Variants in NRG3 observed in about 807,000 individuals in gnomAD.
The protein encoded by NRG3 is pro-neuregulin-3, membrane-bound isoform.
A neutral mutation model predicts 66.9 loss-of-function variants in NRG3; 31 were observed. The ratio of observed to expected loss-of-function variants is 0.46; its 90% CI spans 0.35 to 0.63. The LOEUF is 0.63. Ranked by LOEUF, NRG3 falls within the 20% of genes least tolerant of loss-of-function variation. The pLI is 0.00. For synonymous variants in NRG3, 393 were observed against 359.4 expected, an observed-to-expected ratio of 1.09 and a Z score of -1.06; for missense variants, 910 against 878.9, an observed-to-expected ratio of 1.04 and a Z score of -0.45.
chr10:82,576,650 T>C (rs1173709681), intron 2 of NRG3, among the ~76,000 whole-genome samples: 1 of 151,814 alleles, frequency 6.6e-6, no homozygotes, highest in South Asian at 2.1e-4. Flanking sequence ...AAGAACTTGA[T>C]GTGCTAGACA....
At chr10:82,471,799 G>T (rs747547474) in intron 2 of NRG3, among the ~76,000 whole-genome samples, 4 of 151,528 alleles carry the variant, frequency 2.6e-5, no homozygotes, top group Non-Finnish European at 5.9e-5. Context: ...TGAGGCAGGA[G>T]AATCACTTGA....
At chr10:82,902,873 G>A (rs1316111502) in intron 4 of NRG3, among the ~76,000 whole-genome samples, 3 of 151,860 alleles carry the variant, frequency 2.0e-5, no homozygotes. Flanking sequence ...CCATTTATAT[G>A]CAATTTTTTA....
At chr10:82,188,838 G>C (rs935537046) in intron 1 of NRG3, among the ~76,000 whole-genome samples, 6 of 152,034 alleles carry the variant, frequency 3.9e-5, no homozygotes, top group Non-Finnish European at 8.8e-5. Flanking sequence ...AAAGCAAATA[G>C]ATAGAATGAG....
At chr10:82,203,746 A>C (rs2074969154) in intron 1 of NRG3, among the ~76,000 whole-genome samples, 1 of 152,164 alleles carries the variant, frequency 6.6e-6, no homozygotes. Flanking sequence ...ACATCACATA[A>C]ATCAAAAACA....
intron 1 of NRG3, among the ~76,000 whole-genome samples, chr10:82,140,706 G>A (rs1344877968): frequency 6.6e-6 from 1 of 151,744 alleles, no homozygotes. Flanking sequence ...CTCCAGCCTG[G>A]GCAACGGAAG....
Position 82,002,105 on chromosome 10 carries a change from G to T in NRG3, c.823+125942G>T, listed in dbSNP as rs183495157. ...AGTTTCCTCTCAGTAATCCTTAACAGGACCAAACATCCCTAATTGTATAAA... is the reference window on the plus strand; with the variant it reads ...AGTTTCCTCTCAGTAATCCTTAACATGACCAAACATCCCTAATTGTATAAA... On this transcript the variant is annotated intron_variant, in intron 1 of 8. Transcript: ENST00000372141. Among the ~76,000 whole-genome samples the T allele has an allele frequency of 2.1e-3, 326 of 152,190 alleles. 1 individual carries two copies. The highest frequency in any genetic ancestry group is 6.8e-3 in the Middle Eastern group (2 of 294).
At chr10:82,055,756 A>G (rs1258902080) in intron 1 of NRG3, among the ~76,000 whole-genome samples, 1 of 152,174 alleles carries the variant, frequency 6.6e-6, no homozygotes, top group Admixed American at 6.5e-5. Flanking sequence ...TGCAAGAAAG[A>G]GAAGGGGAGT....
intron 2 of NRG3, among the ~76,000 whole-genome samples, chr10:82,690,998 T>C (rs1364025814): frequency 6.6e-6 from 1 of 152,080 alleles, no homozygotes; most frequent in African/African-American, 2.4e-5. Context: ...TCTCCTCCTC[T>C]TTCTTCTTTC....
intron 1 of NRG3, among the ~76,000 whole-genome samples, chr10:82,205,295 T>C (rs902283260): frequency 6.6e-6 from 1 of 152,224 alleles, no homozygotes; most frequent in Admixed American, 6.5e-5. Context: ...ATTTCAGTTA[T>C]GTGGTTCTTC....
chr10:82,157,016 T>G (rs915563454), intron 1 of NRG3, among the ~76,000 whole-genome samples: 6 of 151,690 alleles, frequency 4.0e-5, no homozygotes, highest in African/African-American at 1.2e-4. Context: ...CAGTCTGTAG[T>G]AATGATGGGG....
At chr10:82,730,578 T>C (rs906279941) in intron 2 of NRG3, among the ~76,000 whole-genome samples, 2 of 152,192 alleles carry the variant, frequency 1.3e-5, no homozygotes, top group African/African-American at 4.8e-5. Flanking sequence ...TTTAGATTCT[T>C]TCAATTATAG....
intron 3 of NRG3, among the ~76,000 whole-genome samples, chr10:82,798,074 C>A (rs895402622): frequency 2.6e-4 from 39 of 151,886 alleles, no homozygotes; most frequent in African/African-American, 9.4e-4. Flanking sequence ...CTTTTGTATA[C>A]CTGAGGCAAT....
chr10:82,875,443 G>A (rs1014086122), intron 4 of NRG3, among the ~76,000 whole-genome samples: 5 of 152,002 alleles, frequency 3.3e-5, no homozygotes, highest in Non-Finnish European at 5.9e-5. Context: ...TTGCAGTCTT[G>A]ACCTCCCAGG....
At chr10:82,284,913 C>G (rs2079329511) in intron 1 of NRG3, among the ~76,000 whole-genome samples, 1 of 152,026 alleles carries the variant, frequency 6.6e-6, no homozygotes, top group African/African-American at 2.4e-5. Flanking sequence ...TTGGCGCTTG[C>G]TAGTAGACAG....
intron 1 of NRG3, among the ~76,000 whole-genome samples, chr10:82,091,123 T>C (rs946950167): frequency 6.6e-6 from 1 of 152,172 alleles, no homozygotes; most frequent in African/African-American, 2.4e-5. Flanking sequence ...TCCATTTCAT[T>C]GTAACCTTTT....
intron 2 of NRG3, among the ~76,000 whole-genome samples, chr10:82,698,940 A>T (rs529504247): frequency 1.1e-4 from 17 of 152,304 alleles, no homozygotes; most frequent in Non-Finnish European, 2.2e-4. Flanking sequence ...ACATTGTTTA[A>T]AAAAGCAAAT....
In NRG3 at chr10:82,494,733, C is replaced by G. The variant is rs1219005287; in HGVS notation, c.953+135865C>G. On this transcript the variant is annotated intron_variant, in intron 2 of 8. Coordinates refer to ENST00000372141, the MANE Select transcript of NRG3 (RefSeq NM_001010848.4). ...AGAATTGAACTAGTTTGCTAAGACCCTTTGTTAATAATCAGTGTGTATGTG... is the reference window on the plus strand; with the variant it reads ...AGAATTGAACTAGTTTGCTAAGACCGTTTGTTAATAATCAGTGTGTATGTG... Among the ~76,000 whole-genome samples the G allele has an allele frequency of 2.6e-5, 4 of 152,010 alleles. No homozygotes were observed. In the East Asian group the frequency reaches 5.8e-4, roughly 22 times the overall value.
chr10:82,875,998 T>A (rs7098637), intron 4 of NRG3, among the ~76,000 whole-genome samples: 27,399 of 152,182 alleles, frequency 0.18, 2,545 homozygotes, highest in Middle Eastern at 0.26. Flanking sequence ...CCAAAAGATG[T>A]ATTGAAGAAG....
chr10:82,126,413 G>T (rs932678362), intron 1 of NRG3, among the ~76,000 whole-genome samples: 2 of 151,908 alleles, frequency 1.3e-5, no homozygotes, highest in East Asian at 3.9e-4. Context: ...CAGAACAAAA[G>T]CTGGGTGGTT....
Sources: allele counts gnomAD v4.1 joint callset (sites outside exome capture counted in the v4.1 genomes callset), GRCh38; gene constraint gnomAD v4.1.1; transcripts MANE v1.5; gene names NCBI Gene and HGNC (gene_info 2026-07-23, HGNC 2026-07-21).